ADAMTS10: variants seen among roughly 807,000 people sequenced by gnomAD.
ADAMTS10 encodes A disintegrin and metalloproteinase with thrombospondin motifs 10.
ADAMTS10 carries 48 observed loss-of-function variants against 135.9 expected under a neutral mutation model. That is an observed-to-expected ratio of 0.35 (90% CI 0.28 to 0.45). The LOEUF is 0.45. Among genes scored for constraint, ADAMTS10 ranks in the 20% least tolerant of loss-of-function variants. ADAMTS10 has a pLI of 1.00. For missense variants in ADAMTS10, 1,131 were observed against 1,565.2 expected (o/e 0.72, Z 4.68); for synonymous variants, 621 against 647.5 (o/e 0.96, Z 0.62).
intron 4 of ADAMTS10, 112 bp from the exon 5 acceptor site, chr19:8,603,996 T>A (rs914257206): frequency 6.1e-6 from 7 of 1,156,668 alleles, no homozygotes; most frequent in African/African-American, 3.5e-5. Context: ...TTTATTTTGC[T>A]ATTTCTTTTT....
chr19:8,595,956 C>T lies in ADAMTS10; in HGVS notation c.1338-53G>A. The stretch of plus-strand genomic sequence containing the variant: ...GCTAGGTGGCTGCAAATCAAGAGCT[C>T]AGGAGCCTCAGCTGGATGGGGGTCC... On this transcript the variant is annotated intron_variant, in intron 11 of 25. Transcript: ENST00000597188. 7 of 1,614,050 alleles carry T rather than the reference C, an allele frequency of 4.3e-6. 1 individual carries two copies. In the South Asian group the frequency reaches 7.7e-5, roughly 18 times the overall value.
chr19:8,599,346 T>G (rs1277998406), intron 6 of ADAMTS10, among the ~76,000 whole-genome samples: 8 of 150,662 alleles, frequency 5.3e-5, no homozygotes, highest in Non-Finnish European at 1.2e-4. Context: ...TCTATCTATT[T>G]TGAGATGGAA....
intron 12 of ADAMTS10, 54 bp downstream of exon 12, chr19:8,595,707 CA>C: frequency 2.8e-6 from 4 of 1,420,536 alleles, no homozygotes; most frequent in Admixed American, 1.8e-5. Context: ...TTCCCTCCCC[CA>C]GCCCCAGCGG....
At position 8,584,977 on chromosome 19, in the gene ADAMTS10, C is replaced by G. The variant is rs782030305; in HGVS notation, c.3120G>C (p.Glu1040Asp). ...TGGGCGGCCGCAGGGCCTCCGTGCA[C>G]TCGTGCGACGCCTGGCCCGTGTGGC... ...CTSHTGQASH[E>D]CTEALRPPTT... Residue 1040 changes from glutamate (E) to aspartate (D), a missense_variant, in exon 25 of 26, where the codon GAG becomes GAC. Glu to Asp is a conservative substitution (Grantham distance 45). Around this residue, in one of 3 missense-constraint regions of ADAMTS10, gnomAD observed 745 missense variants for 1,056.3 expected, o/e 0.71. Coordinates refer to ENST00000597188, the MANE Select transcript of ADAMTS10 (RefSeq NM_030957.4). The G allele has an allele frequency of 6.5e-7, 1 of 1,545,884 alleles. No individual in the cohort carries two copies. Among genetic ancestry groups the G allele is most frequent in the South Asian group, 1.2e-5 (1 of 83,940 alleles).
At chr19:8,581,144 T>A in intron 25 of ADAMTS10, 142 bp from the exon 26 acceptor site, 1 of 448,128 alleles carries the variant, frequency 2.2e-6, no homozygotes, top group East Asian at 3.6e-5. Flanking sequence ...TTTTTTTTTT[T>A]TTTTTTTTTT....
In ADAMTS10 at chr19:8,605,868, C is replaced by G; in HGVS notation, c.-99-59G>C. The G allele has an allele frequency of 2.8e-6, 4 of 1,418,808 alleles. No homozygotes were observed. Among genetic ancestry groups the G allele is most frequent in the Non-Finnish European group, 3.7e-6 (4 of 1,079,994 alleles). 87.9% of individuals were successfully genotyped at this position (1,418,808 alleles called of 1,614,324 possible). A position where few individuals can be genotyped will look rare whatever the true frequency, so the allele number is the denominator to read the frequency against. On this transcript the variant is annotated intron_variant, in intron 2 of 25. Coordinates refer to ENST00000597188, the MANE Select transcript of ADAMTS10 (RefSeq NM_030957.4). The surrounding 1 kb of genome is among the most constrained non-coding windows in gnomAD (Gnocchi z 7.7). ...GTCCCGCTGTCCAGCACAACCAATG[C>G]CAAGGCCAATCATGGCCAAAGCTTT...
At chr19:8,588,234 T>A (rs972852050) in intron 18 of ADAMTS10, among the ~76,000 whole-genome samples, 1 of 151,986 alleles carries the variant, frequency 6.6e-6, no homozygotes, top group Non-Finnish European at 1.5e-5. Context: ...GGTGACAGAT[T>A]GAGACTCTGT....
At chr19:8,604,939 C>G in intron 4 of ADAMTS10, 73 bp downstream of exon 4, 1 of 1,453,126 alleles carries the variant, frequency 6.9e-7, no homozygotes, top group Non-Finnish European at 9.4e-7. Context: ...TCTCTGCCCT[C>G]TATGTAGAAG....
chr19:8,602,198 C>T (rs149608350), intron 5 of ADAMTS10, among the ~76,000 whole-genome samples: 1 of 152,298 alleles, frequency 6.6e-6, no homozygotes, highest in Non-Finnish European at 1.5e-5. Context: ...GTACGTCATC[C>T]ACCTTTTTTC....
At chr19:8,589,156 G>C in intron 18 of ADAMTS10, 86 bp downstream of exon 18, 5 of 1,595,408 alleles carry the variant, frequency 3.1e-6, no homozygotes, top group Non-Finnish European at 4.3e-6. Context: ...AGGAGTTAGT[G>C]ATCTCAGCTA....
At chr19:8,609,848 A>G (rs2042761725) in intron 1 of ADAMTS10, among the ~76,000 whole-genome samples, 1 of 151,680 alleles carries the variant, frequency 6.6e-6, no homozygotes, top group African/African-American at 2.4e-5. Context: ...TAGACCCACA[A>G]AAGACGCAGG....
chr19:8,598,346 G>A (rs1333987450), intron 6 of ADAMTS10, among the ~76,000 whole-genome samples: 1 of 151,726 alleles, frequency 6.6e-6, no homozygotes, highest in Non-Finnish European at 1.5e-5. Flanking sequence ...GGCGACCTGA[G>A]GGATATACAT....
At chr19:8,600,643 C>T (rs563376397) in intron 6 of ADAMTS10, among the ~76,000 whole-genome samples, 102 of 151,770 alleles carry the variant, frequency 6.7e-4, no homozygotes, top group Admixed American at 9.8e-4. Context: ...GGACTACAGG[C>T]GCCCGCCACC....
intron 6 of ADAMTS10, among the ~76,000 whole-genome samples, chr19:8,597,895 C>T (rs2053995257): frequency 6.6e-6 from 1 of 151,900 alleles, no homozygotes; most frequent in South Asian, 2.1e-4. Flanking sequence ...CCTCCGCCTC[C>T]TGGGTTCAAG....
chr19:8,595,676 C>A, intron 12 of ADAMTS10, 86 bp downstream of exon 12: 2 of 1,417,188 alleles, frequency 1.4e-6, no homozygotes, highest in Non-Finnish European at 1.9e-6. Context: ...CCTCACTTCC[C>A]AGGTGGGTGC....
rs2042555396 is a variant in ADAMTS10 at position 8,592,708 on chromosome 19, C to T, written c.1587+55G>A. ...AGGACAGGCGGGTAGGCGTGGCCAACGCGGGAGGTGGCTCAGGGGGCGTGG... is the reference window on the plus strand; with the variant it reads ...AGGACAGGCGGGTAGGCGTGGCCAATGCGGGAGGTGGCTCAGGGGGCGTGG... On this transcript the variant is annotated intron_variant, in intron 13 of 25. Coordinates refer to ENST00000597188, the MANE Select transcript of ADAMTS10 (RefSeq NM_030957.4). The T allele has an allele frequency of 1.6e-5, 25 of 1,537,804 alleles. No individual in the cohort carries two copies. In the South Asian group the frequency reaches 2.3e-4, roughly 14 times the overall value.
In ADAMTS10 at chr19:8,592,255, C is replaced by G. The variant is rs549587991; in HGVS notation, c.1588-152G>C. 1.3e-5 allele frequency: 19 copies of G among 1,443,924 alleles called. No individual in the cohort carries two copies. In the East Asian group the frequency reaches 1.7e-4, roughly 13 times the overall value. The allele number at this position is 1,443,924 out of a possible 1,614,324, so 89.4% of individuals were successfully genotyped here. On this transcript the variant is annotated intron_variant, in intron 13 of 25. Coordinates refer to ENST00000597188, the MANE Select transcript of ADAMTS10 (RefSeq NM_030957.4). ...TGAACATGCGAACAGAGTCAGGTTA[C>G]GTAGGAGAGTGGTCTGGGAGACAGA...
chr19:8,601,566 T>C lies in ADAMTS10; in HGVS notation c.593-421A>G, dbSNP rs1292515450. On this transcript the variant is annotated intron_variant, in intron 5 of 25. Coordinates refer to ENST00000597188, the MANE Select transcript of ADAMTS10 (RefSeq NM_030957.4). This position sits in a 1 kb window ranked among gnomAD's most constrained non-coding sequence, Gnocchi z 4.6. ...TAATTGAGACTGCATTTCACCATGT[T>C]GGCCAGGCTGGTCTCGAACTCCTGA... Among the ~76,000 whole-genome samples the C allele has an allele frequency of 6.6e-6, 1 of 152,066 alleles. No homozygotes were observed. Among genetic ancestry groups the C allele is most frequent in the Non-Finnish European group, 1.5e-5 (1 of 68,014 alleles).
intron 4 of ADAMTS10, 168 bp downstream of exon 4, chr19:8,604,844 C>T (rs1600120334): frequency 4.0e-6 from 3 of 749,316 alleles, no homozygotes; most frequent in East Asian, 5.4e-5. Flanking sequence ...TAAGGCTATA[C>T]ATTTTCCTTT....
Sources: allele counts gnomAD v4.1 joint callset (sites outside exome capture counted in the v4.1 genomes callset), GRCh38; gene constraint gnomAD v4.1.1; regional missense constraint gnomAD v4.1.1; non-coding constraint Gnocchi (gnomAD v3.1); transcripts MANE v1.5; gene names NCBI Gene and HGNC (gene_info 2026-07-23, HGNC 2026-07-21).